Variants in TMEM65 observed in about 807,000 individuals in gnomAD.
TMEM65 encodes the protein transmembrane protein 65.
A neutral mutation model predicts 25.4 loss-of-function variants in TMEM65; 22 were observed. The ratio of observed to expected loss-of-function variants is 0.86; its 90% CI spans 0.62 to 1.23. The LOEUF is 1.23. Ranked by LOEUF, TMEM65 falls within the 50% of genes most tolerant of loss-of-function variation. The pLI is 0.00. For missense variants in TMEM65, 262 were observed against 308.2 expected (o/e 0.85, Z 1.12); for synonymous variants, 132 against 126.2 (o/e 1.05, Z -0.31).
intron 6 of TMEM65, among the ~76,000 whole-genome samples, chr8:124,317,368 A>T (rs923456021): frequency 4.6e-5 from 7 of 152,282 alleles, no homozygotes; most frequent in African/African-American, 7.2e-5. Context: ...ACAAAAAAAA[A>T]TTTTCAGAAA....
rs932353564 is a variant in TMEM65, at chr8:124,313,297, C to T, written c.*663G>A. The stretch of plus-strand genomic sequence containing the variant: ...AAAATTGTACGCTTGTTAGTATACA[C>T]GGTTTCATGTAGCAGGGAGACCACA... On this transcript the variant is annotated 3_prime_UTR_variant, in exon 7 of 7. Transcript: ENST00000297632. 7 of 151,882 alleles carry T rather than the reference C, an allele frequency of 4.6e-5. No individual in the cohort carries two copies. In the South Asian group the frequency reaches 1.2e-3, roughly 27 times the overall value. 9.4% of individuals were successfully genotyped at this position (151,882 alleles called of 1,614,324 possible).
chr8:124,324,410 G>C (rs899049230), intron 3 of TMEM65, among the ~76,000 whole-genome samples: 1 of 151,980 alleles, frequency 6.6e-6, no homozygotes, highest in Non-Finnish European at 1.5e-5. Context: ...AAAGTCTTTT[G>C]TCCTGATGCA....
Position 124,306,742 on chromosome 8 carries a change from A to AG in TMEM65, c.*7217dup, listed in dbSNP as rs1217658715. ...GGCAGGCGGATCACCTGAGGTCAGG[A>AG]GTTCAAGAGCAGCCTGGCCAACATG... On this transcript the variant is annotated 3_prime_UTR_variant, in exon 7 of 7. Transcript: ENST00000297632. 1 of 152,244 alleles carries AG rather than the reference A, an allele frequency of 6.6e-6. No individual in the cohort carries two copies. Among genetic ancestry groups the AG allele is most frequent in the African/African-American group, 2.4e-5 (1 of 41,460 alleles). 9.4% of individuals were successfully genotyped at this position (152,244 alleles called of 1,614,324 possible).
At chr8:124,321,789 T>G (rs1267138544) in intron 5 of TMEM65, among the ~76,000 whole-genome samples, 3 of 152,148 alleles carry the variant, frequency 2.0e-5, no homozygotes, top group Non-Finnish European at 2.9e-5. Flanking sequence ...AAATTCCATT[T>G]TGCTTACATT....
At chr8:124,316,317 T>G (rs1480038332) in intron 6 of TMEM65, among the ~76,000 whole-genome samples, 1 of 152,202 alleles carries the variant, frequency 6.6e-6, no homozygotes, top group East Asian at 1.9e-4. Flanking sequence ...AAAATATTTT[T>G]TGAATTTCAA....
intron 1 of TMEM65, among the ~76,000 whole-genome samples, chr8:124,342,509 T>C (rs1814593447): frequency 6.6e-6 from 1 of 152,180 alleles, no homozygotes; most frequent in Admixed American, 6.5e-5. Flanking sequence ...TCTATGAGAT[T>C]AATCCAAGTC....
chr8:124,324,040 A>G (rs781453466), intron 3 of TMEM65, among the ~76,000 whole-genome samples: 38 of 152,098 alleles, frequency 2.5e-4, no homozygotes, highest in Non-Finnish European at 5.0e-4. Flanking sequence ...TTTAAAGAGG[A>G]GGAACTGAAG....
intron 1 of TMEM65, among the ~76,000 whole-genome samples, chr8:124,336,647 T>C (rs1209791139): frequency 6.6e-6 from 1 of 151,932 alleles, no homozygotes; most frequent in East Asian, 1.9e-4. Flanking sequence ...AAATGCAATA[T>C]ATCAAAATTT....
At chr8:124,323,746 T>C (rs1228922517) in intron 3 of TMEM65, among the ~76,000 whole-genome samples, 3 of 152,090 alleles carry the variant, frequency 2.0e-5, no homozygotes, top group Non-Finnish European at 4.4e-5. Context: ...ACTATACATC[T>C]ATACTATTGT....
intron 1 of TMEM65, among the ~76,000 whole-genome samples, chr8:124,355,347 T>C (rs984903595): frequency 1.3e-5 from 2 of 152,222 alleles, no homozygotes; most frequent in African/African-American, 4.8e-5. Context: ...ATATTATCAT[T>C]ATCACATTTG....
In TMEM65 at chr8:124,372,066, C is replaced by A. The variant is rs1815024764; in HGVS notation, c.92G>T (p.Trp31Leu). The A allele has an allele frequency of 8.6e-7, 1 of 1,161,094 alleles. No individual in the cohort carries two copies. The highest frequency in any genetic ancestry group is 4.8e-5 in the Admixed American group (1 of 20,986). 71.9% of individuals were successfully genotyped at this position (1,161,094 alleles called of 1,614,324 possible). A position where few individuals can be genotyped will look rare whatever the true frequency, so the allele number is the denominator to read the frequency against. The change falls in exon 1 of 7, where the codon TGG (tryptophan) becomes TTG (leucine). Residue 31 changes from tryptophan (W) to leucine (L), a missense_variant. Transcript: ENST00000297632. ...CAGCAGCCCCCGCCCGCAGCAGCAC[C>A]AGGACGGCGGGCGGGGCGCGGCGGC... ...AAAAAPRPPS[W>L]CCCGRGLLAL...
intron 1 of TMEM65, among the ~76,000 whole-genome samples, chr8:124,364,126 G>A (rs1164574067): frequency 6.6e-6 from 1 of 152,116 alleles, no homozygotes; most frequent in Admixed American, 6.5e-5. Context: ...AAAGAGAACA[G>A]TGATCCTTGA....
chr8:124,314,623 C>T (rs1438836615), intron 6 of TMEM65, among the ~76,000 whole-genome samples: 2 of 152,080 alleles, frequency 1.3e-5, no homozygotes. Context: ...AATTTTATTT[C>T]ATTTTTATTT....
intron 1 of TMEM65, among the ~76,000 whole-genome samples, chr8:124,352,670 TC>T (rs1814726864): frequency 6.6e-6 from 1 of 152,058 alleles, no homozygotes; most frequent in African/African-American, 2.4e-5. Flanking sequence ...GGATTTCTCT[TC>T]CCTCTCCCAT....
intron 1 of TMEM65, among the ~76,000 whole-genome samples, chr8:124,347,886 TTTTC>T (rs1814656914): frequency 1.9e-5 from 2 of 104,186 alleles, no homozygotes; most frequent in South Asian, 7.5e-4. Context: ...GTACAATAAT[TTTTC>T]TTTTTTTTTT....
chr8:124,345,889 A>C (rs6984232), intron 1 of TMEM65, among the ~76,000 whole-genome samples: 1 of 152,054 alleles, frequency 6.6e-6, no homozygotes, highest in Non-Finnish European at 1.5e-5. Flanking sequence ...GATTACAGGC[A>C]CATGCCACCA....
intron 1 of TMEM65, among the ~76,000 whole-genome samples, chr8:124,331,616 C>T (rs1387556021): frequency 6.6e-6 from 1 of 151,548 alleles, no homozygotes; most frequent in Non-Finnish European, 1.5e-5. Context: ...AGCAGCCTAC[C>T]TGGTCTTATA....
chr8:124,349,137 T>A (rs1814675526), intron 1 of TMEM65, among the ~76,000 whole-genome samples: 2 of 152,172 alleles, frequency 1.3e-5, no homozygotes, highest in Non-Finnish European at 1.5e-5. Context: ...ATTCTACTTC[T>A]CATTCAGTTA....
chr8:124,363,714 G>A lies in TMEM65; in HGVS notation c.304+8140C>T, dbSNP rs1486093316. 4.0e-5 allele frequency among the ~76,000 whole-genome samples: 6 copies of A among 151,042 alleles called. No homozygotes were observed. The East Asian group carries it at 5.8e-4, about 15-fold the overall frequency. ...TAGCCGGGCGTAGTGGCGGGCGCCT[G>A]TAGTCCCAGCTACTTGGGAGGCTGA... On this transcript the variant is annotated intron_variant, in intron 1 of 6. Transcript: ENST00000297632.
Sources: allele counts gnomAD v4.1 joint callset (sites outside exome capture counted in the v4.1 genomes callset), GRCh38; gene constraint gnomAD v4.1.1; transcripts MANE v1.5; gene names NCBI Gene and HGNC (gene_info 2026-07-23, HGNC 2026-07-21).